SLC24A3: variants seen among roughly 807,000 people sequenced by gnomAD.
SLC24A3 encodes the protein solute carrier family 24 member 3.
Under a neutral mutation model 75.8 loss-of-function variants are expected in SLC24A3, and 28 were observed. The ratio of observed to expected loss-of-function variants is 0.37; its 90% CI spans 0.27 to 0.51. The LOEUF (loss-of-function observed/expected upper bound fraction) is 0.51. Among genes scored for constraint, SLC24A3 ranks in the 20% least tolerant of loss-of-function variants. SLC24A3 has a pLI of 0.94. For missense variants in SLC24A3, 663 were observed against 847.8 expected (o/e 0.78, Z 2.71); for synonymous variants, 372 against 334.1 (o/e 1.11, Z -1.24).
In SLC24A3 at chr20:19,281,099, G is replaced by A; in HGVS notation, c.271+12G>A. 2.5e-6 allele frequency: 4 copies of A among 1,613,856 alleles called. No homozygotes were observed. The highest frequency in any genetic ancestry group is 3.4e-6 in the Non-Finnish European group (4 of 1,179,768). ...CTGCACCGAACCAGGTAACAGTGCT[G>A]ACTACTCATGGGCAGCAGCTGTCAT... On this transcript the variant is annotated intron_variant, in intron 2 of 16. Coordinates refer to ENST00000328041, the MANE Select transcript of SLC24A3 (RefSeq NM_020689.4).
chr20:19,366,001 A>G (rs1329292340), intron 2 of SLC24A3, among the ~76,000 whole-genome samples: 1 of 152,110 alleles, frequency 6.6e-6, no homozygotes, highest in East Asian at 1.9e-4. Context: ...TCCCTTTGCT[A>G]ACCCCTTCCA....
chr20:19,698,657 C>A lies in SLC24A3; in HGVS notation c.1696C>A (p.Leu566Met). ...GLGLPWALQT[L>M]AVDYGSYIRL... ...CGGTCTCCCCTGGGCTCTGCAGACCCTGGCTGTGGATTACGGATCCTACGT... is the reference window on the plus strand; with the variant it reads ...CGGTCTCCCCTGGGCTCTGCAGACCATGGCTGTGGATTACGGATCCTACGT... Residue 566 changes from leucine (L) to methionine (M), a missense_variant, in exon 15 of 17, where the codon CTG (leucine) becomes ATG (methionine). Around this residue, in one of 2 missense-constraint regions of SLC24A3, gnomAD observed 510 missense variants for 703.6 expected, o/e 0.72. Coordinates refer to ENST00000328041, the MANE Select transcript of SLC24A3 (RefSeq NM_020689.4). 6.3e-7 allele frequency: 1 copy of A among 1,588,470 alleles called. No individual in the cohort carries two copies. Among genetic ancestry groups the A allele is most frequent in the East Asian group, 2.3e-5 (1 of 43,876 alleles).
intron 2 of SLC24A3, among the ~76,000 whole-genome samples, chr20:19,311,156 T>G (rs1984446749): frequency 6.6e-6 from 1 of 152,000 alleles, no homozygotes; most frequent in Admixed American, 6.6e-5. Context: ...GGAGCTTGGG[T>G]TTTGGTTACT....
intron 2 of SLC24A3, among the ~76,000 whole-genome samples, chr20:19,338,354 G>T (rs1412844621): frequency 6.6e-6 from 1 of 152,186 alleles, no homozygotes. Flanking sequence ...GTTGCATATC[G>T]GATTTCTTCC....
intron 2 of SLC24A3, among the ~76,000 whole-genome samples, chr20:19,282,171 G>A (rs759210790): frequency 1.3e-5 from 2 of 152,190 alleles, no homozygotes; most frequent in African/African-American, 2.4e-5. Flanking sequence ...GCAGGTCTGC[G>A]ATCTATTGGG....
chr20:19,289,622 C>T (rs961153565), intron 2 of SLC24A3, among the ~76,000 whole-genome samples: 4 of 152,188 alleles, frequency 2.6e-5, no homozygotes, highest in Admixed American at 6.5e-5. Context: ...ACACACCTCT[C>T]GGCTGCACTG....
chr20:19,268,324 A>T (rs1318736406), intron 1 of SLC24A3, among the ~76,000 whole-genome samples: 1 of 152,170 alleles, frequency 6.6e-6, no homozygotes, highest in African/African-American at 2.4e-5. Context: ...TTATTTTTAG[A>T]GTGGAATGTG....
At chr20:19,354,125 G>C (rs1340288137) in intron 2 of SLC24A3, among the ~76,000 whole-genome samples, 1 of 152,168 alleles carries the variant, frequency 6.6e-6, no homozygotes, top group Non-Finnish European at 1.5e-5. Flanking sequence ...TAGTTTCAAA[G>C]AATGCACCCC....
At chr20:19,665,090 G>C (rs1342135322) in intron 7 of SLC24A3, among the ~76,000 whole-genome samples, 1 of 152,170 alleles carries the variant, frequency 6.6e-6, no homozygotes, top group African/African-American at 2.4e-5. Flanking sequence ...ATTAAATCCT[G>C]CCGTGTATTC....
At chr20:19,347,197 T>A (rs899360948) in intron 2 of SLC24A3, among the ~76,000 whole-genome samples, 4 of 152,182 alleles carry the variant, frequency 2.6e-5, no homozygotes, top group African/African-American at 9.7e-5. Context: ...AGATAAGTAG[T>A]TGCTTGGGGC....
chr20:19,218,792 G>A (rs1420849441), intron 1 of SLC24A3, among the ~76,000 whole-genome samples: 1 of 151,900 alleles, frequency 6.6e-6, no homozygotes, highest in Non-Finnish European at 1.5e-5. Context: ...GAAGATGGCT[G>A]ATAGGACAAA....
At chr20:19,365,801 A>G (rs1412595270) in intron 2 of SLC24A3, among the ~76,000 whole-genome samples, 1 of 152,138 alleles carries the variant, frequency 6.6e-6, no homozygotes, top group Non-Finnish European at 1.5e-5. Context: ...ATCCAATTGC[A>G]AAAGTTTCCT....
At chr20:19,602,231 C>T (rs769655107) in intron 6 of SLC24A3, among the ~76,000 whole-genome samples, 4 of 152,136 alleles carry the variant, frequency 2.6e-5, no homozygotes, top group Admixed American at 2.0e-4. Context: ...TTGATGGCTC[C>T]TGGGCACCGC....
chr20:19,303,392 T>C (rs1222933713), intron 2 of SLC24A3, among the ~76,000 whole-genome samples: 1 of 152,248 alleles, frequency 6.6e-6, no homozygotes, highest in Non-Finnish European at 1.5e-5. Flanking sequence ...GTGCCACATT[T>C]TCTTTAACCA....
chr20:19,677,561 C>T (rs890292021), intron 9 of SLC24A3, among the ~76,000 whole-genome samples: 1 of 152,042 alleles, frequency 6.6e-6, no homozygotes, highest in African/African-American at 2.4e-5. Flanking sequence ...ACACCCTATT[C>T]ACTTCCCTTT....
intron 1 of SLC24A3, among the ~76,000 whole-genome samples, chr20:19,219,776 T>C (rs531992832): frequency 1.6e-4 from 25 of 152,318 alleles, no homozygotes; most frequent in African/African-American, 5.5e-4. Context: ...AAATACCATT[T>C]CTCAATATCA....
At chr20:19,541,449 CGT>C (rs2030496093) in intron 3 of SLC24A3, among the ~76,000 whole-genome samples, 1 of 152,198 alleles carries the variant, frequency 6.6e-6, no homozygotes, top group Admixed American at 6.5e-5. Flanking sequence ...TGTATTAGCA[CGT>C]GTGTGTCTAT....
intron 3 of SLC24A3, among the ~76,000 whole-genome samples, chr20:19,524,678 T>A (rs931213704): frequency 4.6e-5 from 7 of 152,156 alleles, no homozygotes; most frequent in Non-Finnish European, 4.4e-5. Flanking sequence ...TTCCTTTTTA[T>A]TTATTTTATT....
chr20:19,582,358 C>T (rs1258108802), intron 4 of SLC24A3, among the ~76,000 whole-genome samples: 6 of 152,182 alleles, frequency 3.9e-5, no homozygotes, highest in African/African-American at 1.4e-4. Flanking sequence ...AGAAGGTTGT[C>T]GTTTCCAGCT....
Sources: gnomAD v4.1 joint callset for allele counts (sites outside exome capture counted in the v4.1 genomes callset) on GRCh38, gnomAD v4.1.1 for gene constraint, gnomAD v4.1.1 regional missense constraint, MANE v1.5 for transcripts, NCBI Gene and HGNC (gene_info 2026-07-23, HGNC 2026-07-21) for gene names.